GLIS3: variants seen among roughly 807,000 people sequenced by gnomAD.
GLIS3 encodes zinc finger protein GLIS3.
GLIS3 carries 53 observed loss-of-function variants against 78.6 expected under a neutral mutation model. The observed-to-expected ratio is 0.67, with a 90% confidence interval of 0.54 to 0.85. The LOEUF is 0.85. Ranked by LOEUF, GLIS3 falls within the 40% of genes least tolerant of loss-of-function variation. The pLI, the probability that GLIS3 is intolerant of heterozygous loss-of-function variation, is 0.00. For synonymous variants in GLIS3, 684 were observed against 509.9 expected, an observed-to-expected ratio of 1.34 and a Z score of -4.60; for missense variants, 1,703 against 1,231.1, an observed-to-expected ratio of 1.38 and a Z score of -5.74.
intron 5 of GLIS3, 104 bp from the exon 6 acceptor site, chr9:3,932,574 A>T: frequency 2.4e-6 from 2 of 832,232 alleles, no homozygotes; most frequent in Non-Finnish European, 4.2e-6. Context: ...ACTGTTACCA[A>T]TTGACTGATG....
intron 4 of GLIS3, among the ~76,000 whole-genome samples, chr9:4,079,602 A>G (rs1828377795): frequency 6.6e-6 from 1 of 152,216 alleles, no homozygotes; most frequent in Non-Finnish European, 1.5e-5. Flanking sequence ...TCACAACCAG[A>G]GGAATGCCTT....
the GLIS3 span, among the ~76,000 whole-genome samples, chr9:4,473,454 C>CACCAAAAAAAAAAAAAA: frequency 1.0e-4 from 6 of 58,890 alleles, no homozygotes; most frequent in Non-Finnish European, 2.3e-4. Context: ...TCAACAACAA[C>CACCAAAAAAAAAAAAAA]AACAACAAAA....
chr9:3,907,680 A>G (rs1027778494), intron 6 of GLIS3, among the ~76,000 whole-genome samples: 1 of 151,468 alleles, frequency 6.6e-6, no homozygotes, highest in African/African-American at 2.4e-5. Context: ...CCTTTGCCTC[A>G]AAGTGAGACA....
At chr9:4,181,794 C>A (rs1006634047) in intron 2 of GLIS3, among the ~76,000 whole-genome samples, 3 of 152,190 alleles carry the variant, frequency 2.0e-5, no homozygotes, top group African/African-American at 7.2e-5. Flanking sequence ...GCAAAGAAGT[C>A]TAGGCTAGCA....
chr9:4,362,410 A>C, the GLIS3 span, among the ~76,000 whole-genome samples: 29 of 152,288 alleles, frequency 1.9e-4, no homozygotes, highest in African/African-American at 7.0e-4. Flanking sequence ...CAGGAAGACA[A>C]TTTTCATCCC....
intron 2 of GLIS3, among the ~76,000 whole-genome samples, chr9:4,209,619 T>C (rs1820208458): frequency 2.0e-5 from 3 of 152,206 alleles, no homozygotes; most frequent in Admixed American, 2.0e-4. Flanking sequence ...ATGTTAATGA[T>C]AGCACTTGTC....
At chr9:4,443,421 A>C in the GLIS3 span, among the ~76,000 whole-genome samples, 28,839 of 152,226 alleles carry the variant, frequency 0.19, 2,976 homozygotes, top group African/African-American at 0.26. Context: ...TGAGAACAAA[A>C]ATGAATGAAT....
At chr9:3,922,877 G>A (rs533522330) in intron 6 of GLIS3, among the ~76,000 whole-genome samples, 10 of 152,248 alleles carry the variant, frequency 6.6e-5, no homozygotes, top group African/African-American at 2.2e-4. Flanking sequence ...AAGATTCTAC[G>A]AAGAATAATG....
chr9:3,828,383 C>T lies in GLIS3; in HGVS notation c.2682G>A (p.Ser894=), dbSNP rs775707696. 1.4e-5 allele frequency: 23 copies of T among 1,613,340 alleles called. No homozygotes were observed. The highest frequency in any genetic ancestry group is 1.3e-4 in the African/African-American group (10 of 74,886). ...TGCGGAGAGACTCCCCAAAGAGGCT[C>T]GAGGAACTTGAAGGTAAATCATACA... ...ITVYDLPSSS[S]SLFGESLRSG... Residue 894 remains serine (S), a synonymous_variant, in exon 11 of 11, where the codon TCG becomes TCA. Transcript: ENST00000381971.
intron 4 of GLIS3, among the ~76,000 whole-genome samples, chr9:4,081,805 C>T (rs1828574957): frequency 6.6e-6 from 1 of 152,162 alleles, no homozygotes; most frequent in Non-Finnish European, 1.5e-5. Context: ...AATTTCCCTC[C>T]AGAAGCCATT....
chr9:4,249,707 G>A (rs1032601981), intron 2 of GLIS3, among the ~76,000 whole-genome samples: 1 of 152,172 alleles, frequency 6.6e-6, no homozygotes, highest in Non-Finnish European at 1.5e-5. Flanking sequence ...AGTTTTCAAA[G>A]GGAATGCTTC....
At chr9:3,987,784 A>AAAAAAAAAAAC (rs1554665966) in intron 4 of GLIS3, among the ~76,000 whole-genome samples, 7 of 69,556 alleles carry the variant, frequency 1.0e-4, no homozygotes, top group Non-Finnish European at 1.4e-4. Flanking sequence ...AAAAAAAAAA[A>AAAAAAAAAAAC]AAAACAAAAC....
At chr9:3,852,634 C>T (rs1819506235) in intron 9 of GLIS3, among the ~76,000 whole-genome samples, 1 of 152,136 alleles carries the variant, frequency 6.6e-6, no homozygotes, top group African/African-American at 2.4e-5. Flanking sequence ...TAGATAAGAA[C>T]CGCTAGAAAT....
At chr9:4,107,457 C>T (rs769768736) in intron 4 of GLIS3, among the ~76,000 whole-genome samples, 17 of 152,130 alleles carry the variant, frequency 1.1e-4, no homozygotes, top group Non-Finnish European at 1.9e-4. Context: ...TCACCCTAGA[C>T]TCAGATTGCA....
chr9:3,878,379 T>A (rs984556528), intron 8 of GLIS3, among the ~76,000 whole-genome samples: 1 of 152,238 alleles, frequency 6.6e-6, no homozygotes, highest in Non-Finnish European at 1.5e-5. Context: ...GTCTGACACA[T>A]AGAAGGTATT....
At chr9:4,333,932 C>T in intron 2 of GLIS3, among the ~76,000 whole-genome samples, 1 of 152,140 alleles carries the variant, frequency 6.6e-6, no homozygotes, top group Admixed American at 6.5e-5. Context: ...TTAAATCCTA[C>T]CTGGAATGGT....
At chr9:4,114,364 G>C (rs1022999680) in intron 4 of GLIS3, among the ~76,000 whole-genome samples, 2 of 152,118 alleles carry the variant, frequency 1.3e-5, no homozygotes, top group African/African-American at 4.8e-5. Flanking sequence ...TACATCTATT[G>C]TTTGGGTTTA....
Position 4,081,664 on chromosome 9 carries a change from C to A in GLIS3, c.1710+36104G>T, listed in dbSNP as rs73392530. Among the ~76,000 whole-genome samples the A allele has an allele frequency of 9.7e-3, 1,476 of 152,276 alleles. 25 individuals carry two copies. Among genetic ancestry groups the A allele is most frequent in the African/African-American group, 0.034 (1,410 of 41,558 alleles). On this transcript the variant is annotated intron_variant, in intron 4 of 10. Coordinates refer to ENST00000381971, the MANE Select transcript of GLIS3 (RefSeq NM_001042413.2). ...TTGGAGGGACTGTAATAGCAACCAG[C>A]CTATCGTGACTAATACATTTCCCCA...
chr9:4,335,044 G>T (rs1019576512), intron 2 of GLIS3, among the ~76,000 whole-genome samples: 3 of 151,512 alleles, frequency 2.0e-5, no homozygotes, highest in African/African-American at 7.3e-5. Flanking sequence ...GAGTAGCTGG[G>T]ACTACAGGCG....
Sources: gnomAD v4.1 joint callset for allele counts (sites outside exome capture counted in the v4.1 genomes callset) on GRCh38, gnomAD v4.1.1 for gene constraint, MANE v1.5 for transcripts, NCBI Gene and HGNC (gene_info 2026-07-23, HGNC 2026-07-21) for gene names.